CTNND2: variants seen among roughly 807,000 people sequenced by gnomAD.
The protein encoded by CTNND2 is catenin delta 2.
Under a neutral mutation model 144.4 loss-of-function variants are expected in CTNND2, and 22 were observed. The ratio of observed to expected loss-of-function variants is 0.15; its 90% CI spans 0.11 to 0.22. The LOEUF (loss-of-function observed/expected upper bound fraction) is 0.22, where lower values mean the gene tolerates loss of function less well. Ranked by LOEUF, CTNND2 falls within the 10% of genes least tolerant of loss-of-function variation. The pLI, the probability that CTNND2 is intolerant of heterozygous loss-of-function variation, is 1.00. For synonymous variants in CTNND2, 751 were observed against 695.6 expected (o/e 1.08, Z -1.25); for missense variants, 1,353 against 1,618.8 (o/e 0.84, Z 2.82).
intron 11 of CTNND2, among the ~76,000 whole-genome samples, chr5:11,173,705 T>C (rs1327944309): frequency 2.6e-5 from 4 of 152,194 alleles, no homozygotes; most frequent in Admixed American, 6.5e-5. Flanking sequence ...AAATTCCCAA[T>C]TGGAGCTATA....
chr5:11,652,420 CT>C (rs1339500170), intron 2 of CTNND2, among the ~76,000 whole-genome samples: 3 of 152,242 alleles, frequency 2.0e-5, no homozygotes, highest in Non-Finnish European at 4.4e-5. Context: ...TCAGGTGGTT[CT>C]TTAGAGCAAT....
intron 7 of CTNND2, among the ~76,000 whole-genome samples, chr5:11,378,935 A>T (rs1253528824): frequency 6.6e-6 from 1 of 152,182 alleles, no homozygotes; most frequent in African/African-American, 2.4e-5. Context: ...GGGACAAGTT[A>T]GACAGGCCTT....
At chr5:11,240,662 C>T (rs1325386341) in intron 9 of CTNND2, among the ~76,000 whole-genome samples, 1 of 142,346 alleles carries the variant, frequency 7.0e-6, no homozygotes, top group Admixed American at 6.9e-5. Context: ...ACCCAACACA[C>T]TCACCCAATA....
chr5:11,501,954 G>A (rs2150010240), intron 3 of CTNND2, among the ~76,000 whole-genome samples: 1 of 147,420 alleles, frequency 6.8e-6, no homozygotes, highest in Non-Finnish European at 1.5e-5. Flanking sequence ...TGTGAACCCA[G>A]CAGACGGAGC....
intron 9 of CTNND2, among the ~76,000 whole-genome samples, chr5:11,243,137 G>A (rs1025622209): frequency 1.3e-5 from 2 of 152,180 alleles, no homozygotes; most frequent in African/African-American, 4.8e-5. Context: ...AGTGTAAAGG[G>A]AGACACTGCT....
intron 12 of CTNND2, among the ~76,000 whole-genome samples, chr5:11,131,784 G>A (rs946801025): frequency 6.6e-6 from 1 of 151,230 alleles, no homozygotes; most frequent in African/African-American, 2.4e-5. Flanking sequence ...GCGAGACTGC[G>A]TCTCAAAAAA....
At chr5:11,096,542 T>C (rs1751368995) in intron 15 of CTNND2, among the ~76,000 whole-genome samples, 2 of 152,188 alleles carry the variant, frequency 1.3e-5, no homozygotes, top group Admixed American at 1.3e-4. Flanking sequence ...AATGAGGCAT[T>C]ATATTTTAAT....
At chr5:11,478,314 GT>G (rs1406466445) in intron 3 of CTNND2, among the ~76,000 whole-genome samples, 1 of 152,178 alleles carries the variant, frequency 6.6e-6, no homozygotes, top group East Asian at 1.9e-4. Flanking sequence ...TTCCAAAGCA[GT>G]TTTTGTAATA....
chr5:11,589,282 A>AACACACACACACACACACAC (rs34009518), intron 2 of CTNND2, among the ~76,000 whole-genome samples: 2 of 146,716 alleles, frequency 1.4e-5, no homozygotes, highest in East Asian at 2.0e-4. Flanking sequence ...TTAACATTAA[A>AACACACACACACACACACAC]ACACACACAC....
At chr5:11,055,128 G>A (rs1746219460) in intron 16 of CTNND2, among the ~76,000 whole-genome samples, 1 of 152,200 alleles carries the variant, frequency 6.6e-6, no homozygotes, top group African/African-American at 2.4e-5. Flanking sequence ...GGTTGGAGAA[G>A]GTAGAGTTAA....
At position 11,378,655 on chromosome 5, in the gene CTNND2, T is replaced by C. The variant is rs565007193; in HGVS notation, c.1177+6010A>G. 2.6e-5 allele frequency among the ~76,000 whole-genome samples: 4 copies of C among 152,288 alleles called. No homozygotes were observed. The South Asian group carries it at 8.3e-4, about 32-fold the overall frequency. On this transcript the variant is annotated intron_variant, in intron 7 of 21. Coordinates refer to ENST00000304623, the MANE Select transcript of CTNND2 (RefSeq NM_001332.4). ...TGAAAGGAGCAGCAGGAGCCAGATA[T>C]CATGTTGCATTTTGACCCCATCCCA...
rs1381116699 is a variant in CTNND2, at chr5:10,988,772, G to A, written c.3212-530C>T. Reference sequence around the variant, plus strand: ...TCAGAGGAAACAGCTCTCTACACAGGATGATTTGTGGGGCAAAAATAACCA... The same window carrying A: ...TCAGAGGAAACAGCTCTCTACACAGAATGATTTGTGGGGCAAAAATAACCA... On this transcript the variant is annotated intron_variant, in intron 19 of 21. Coordinates refer to ENST00000304623, the MANE Select transcript of CTNND2 (RefSeq NM_001332.4). The surrounding 1 kb of genome is among the most constrained non-coding windows in gnomAD (Gnocchi z 5.9). 1.3e-5 allele frequency among the ~76,000 whole-genome samples: 2 copies of A among 152,004 alleles called. No individual in the cohort carries two copies. The highest frequency in any genetic ancestry group is 2.9e-5 in the Non-Finnish European group (2 of 67,966).
At chr5:11,058,116 A>C (rs186189835) in intron 16 of CTNND2, among the ~76,000 whole-genome samples, 122 of 152,336 alleles carry the variant, frequency 8.0e-4, no homozygotes, top group South Asian at 2.9e-3. Context: ...ATAGAAAATA[A>C]AATTCTATTT....
rs114294300 is a variant in CTNND2 at position 11,401,155 on chromosome 5, A to T, written c.440-3952T>A. Among the ~76,000 whole-genome samples the T allele has an allele frequency of 7.6e-3, 1,153 of 152,302 alleles. 10 individuals are homozygous for T. Among genetic ancestry groups the T allele is most frequent in the African/African-American group, 0.026 (1,092 of 41,574 alleles). On this transcript the variant is annotated intron_variant, in intron 5 of 21. Coordinates refer to ENST00000304623, the MANE Select transcript of CTNND2 (RefSeq NM_001332.4). ...GTTGAAATGTTAATTTTCTGCATAA[A>T]AATTCAGACCCACTTATAGGTCATA...
chr5:11,026,356 C>CTTTTTTTT (rs67196223), intron 16 of CTNND2, among the ~76,000 whole-genome samples: 5 of 117,036 alleles, frequency 4.3e-5, no homozygotes, highest in Non-Finnish European at 5.1e-5. Flanking sequence ...CCTTCTTCTT[C>CTTTTTTTT]TTTTTTTTTT....
chr5:11,176,240 A>G (rs1162519812), intron 11 of CTNND2, among the ~76,000 whole-genome samples: 1 of 151,620 alleles, frequency 6.6e-6, no homozygotes, highest in Non-Finnish European at 1.5e-5. Context: ...CATTTAATTC[A>G]TTTGTTTTCT....
intron 2 of CTNND2, among the ~76,000 whole-genome samples, chr5:11,706,811 C>T (rs1203496498): frequency 6.6e-6 from 1 of 151,840 alleles, no homozygotes; most frequent in Non-Finnish European, 1.5e-5. Context: ...GTAAGGCCAG[C>T]GCGGTGGCTC....
rs140097089 is a variant in CTNND2 at position 11,152,240 on chromosome 5, A to G, written c.2159+7336T>C. Among the ~76,000 whole-genome samples the G allele has an allele frequency of 2.7e-3, 404 of 152,316 alleles. 1 individual carries two copies. The highest frequency in any genetic ancestry group is 4.4e-3 in the Non-Finnish European group (297 of 68,038). On this transcript the variant is annotated intron_variant, in intron 12 of 21. Transcript: ENST00000304623. ...TGCATCAGGCTGTCTTATCTTAATG[A>G]TATTATGCAGTAATTTCAACTGCAA... is the stretch of plus-strand genomic sequence containing the variant.
At chr5:11,290,070 A>G (rs1017396486) in intron 9 of CTNND2, among the ~76,000 whole-genome samples, 2 of 152,218 alleles carry the variant, frequency 1.3e-5, no homozygotes, top group Non-Finnish European at 2.9e-5. Flanking sequence ...ACAAGGAGGT[A>G]GCATTCTGGA....
Sources: allele counts gnomAD v4.1 joint callset (sites outside exome capture counted in the v4.1 genomes callset), GRCh38; gene constraint gnomAD v4.1.1; non-coding constraint Gnocchi (gnomAD v3.1); transcripts MANE v1.5; gene names NCBI Gene and HGNC (gene_info 2026-07-23, HGNC 2026-07-21).